The following DDX60 variants were observed in gnomAD, a reference collection of about 807,000 sequenced individuals.
The protein encoded by DDX60 is probable ATP-dependent RNA helicase DDX60.
DDX60 carries 165 observed loss-of-function variants against 212.8 expected under a neutral mutation model. The ratio of observed to expected loss-of-function variants is 0.78; its 90% CI spans 0.68 to 0.88. DDX60 has a LOEUF of 0.88. Among genes scored for constraint, DDX60 ranks in the 40% least tolerant of loss-of-function variants. The pLI, the probability that DDX60 is intolerant of heterozygous loss-of-function variation, is 0.00. For synonymous variants in DDX60, 703 were observed against 685.3 expected, an observed-to-expected ratio of 1.03 and a Z score of -0.40; for missense variants, 1,905 against 2,003.9, an observed-to-expected ratio of 0.95 and a Z score of 0.94.
At chr4:168,306,884 T>G (rs1443598203) in intron 4 of DDX60, among the ~76,000 whole-genome samples, 164 bp from the exon 5 acceptor site, 1 of 152,234 alleles carries the variant, frequency 6.6e-6, no homozygotes, top group African/African-American at 2.4e-5. Context: ...TTACAGATAT[T>G]TGCTGAAAAA....
intron 13 of DDX60, 34 bp downstream of exon 13, chr4:168,283,412 A>AT: frequency 1.9e-6 from 3 of 1,596,706 alleles, no homozygotes; most frequent in Non-Finnish European, 2.6e-6. Flanking sequence ...GAAAAGGAAA[A>AT]TTTTTTTAAT....
chr4:168,306,513 A>C lies in DDX60; in HGVS notation c.472T>G (p.Phe158Val), dbSNP rs1395598115. The C allele has an allele frequency of 1.2e-6, 2 of 1,614,178 alleles. No homozygotes were observed. Among genetic ancestry groups the C allele is most frequent in the Admixed American group, 3.3e-5 (2 of 60,028 alleles). The change falls in exon 5 of 38, where the codon TTC (phenylalanine) becomes GTC (valine). Residue 158 changes from phenylalanine to valine, a missense_variant. By Grantham distance (50) the Phe-to-Val change is conservative. Transcript: ENST00000393743. ...CAAGAATGAATGATTAAAAAGTTGA[A>C]AAGCTGTGTTTGTAGATCGTTCAGG... ...EGLNDLQTQL[F>V]NFLIIHSWAR...
At chr4:168,323,870 G>C (rs1737651259), upstream of DDX60, among the ~76,000 whole-genome samples, 1 of 152,206 alleles carries the variant, frequency 6.6e-6, no homozygotes, top group Non-Finnish European at 1.5e-5. Flanking sequence ...CAGTGCTGAT[G>C]CTTGGGTTCC....
intron 27 of DDX60, 137 bp downstream of exon 27, chr4:168,252,372 G>A: frequency 9.6e-7 from 1 of 1,039,622 alleles, no homozygotes; most frequent in Non-Finnish European, 1.4e-6. Context: ...GTAGCTAAAG[G>A]AGAGTTCTCT....
chr4:168,268,014 C>T (rs1301868985), intron 20 of DDX60, 31 bp from the exon 21 acceptor site: 1 of 1,578,338 alleles, frequency 6.3e-7, no homozygotes, highest in African/African-American at 1.4e-5. Flanking sequence ...ATTATTTAGG[C>T]AGAACATGGA....
At chr4:168,300,780 G>T (rs1736616327) in intron 6 of DDX60, among the ~76,000 whole-genome samples, 1 of 152,258 alleles carries the variant, frequency 6.6e-6, no homozygotes, top group African/African-American at 2.4e-5. Context: ...GGGTGAGAAA[G>T]TCACTAGCCT....
chr4:168,313,807 C>T (rs903700763), intron 1 of DDX60, among the ~76,000 whole-genome samples: 1 of 152,112 alleles, frequency 6.6e-6, no homozygotes, highest in African/African-American at 2.4e-5. Context: ...AAATTAATAA[C>T]TATTTATGTC....
chr4:168,254,554 G>C (rs893600389), intron 26 of DDX60, among the ~76,000 whole-genome samples: 4 of 152,130 alleles, frequency 2.6e-5, no homozygotes, highest in African/African-American at 9.7e-5. Context: ...TACCTGCCAG[G>C]TAATGTGCTA....
chr4:168,304,956 C>T (rs1736812277), intron 5 of DDX60, among the ~76,000 whole-genome samples: 1 of 152,116 alleles, frequency 6.6e-6, no homozygotes, highest in African/African-American at 2.4e-5. Flanking sequence ...ACTGACTCAC[C>T]CAGGGCAACT....
intron 4 of DDX60, among the ~76,000 whole-genome samples, chr4:168,307,132 T>C (rs1283556145): frequency 9.2e-5 from 14 of 152,162 alleles, no homozygotes; most frequent in Non-Finnish European, 1.8e-4. Context: ...CAACTGAGAT[T>C]GTCTCGGCAT....
chr4:168,300,580 ATGTGTG>A (rs59696275), intron 6 of DDX60, among the ~76,000 whole-genome samples: 5 of 146,304 alleles, frequency 3.4e-5, no homozygotes, highest in South Asian at 2.2e-4. Context: ...TAACACCAGA[ATGTGTG>A]TGTGTGTGTG....
In DDX60 at chr4:168,260,946, C is replaced by T. The variant is rs1437635761; in HGVS notation, c.3317G>A (p.Ser1106Asn). The T allele has an allele frequency of 6.2e-7, 1 of 1,613,492 alleles. No homozygotes were observed. The highest frequency in any genetic ancestry group is 1.7e-4 in the Middle Eastern group (1 of 6,048). Reference protein sequence around the residue: ...LQNLSPEADLSPENMITMFPL... With the variant: ...LQNLSPEADLNPENMITMFPL... The stretch of plus-strand genomic sequence containing the variant: ...AAACATGGTGATCATGTTTTCTGGA[C>T]TCAAATCTGCTTCAGGACTAAGATT... Residue 1106 changes from serine (S) to asparagine (N), a missense_variant, in exon 25 of 38, where the codon AGT (serine) becomes AAT (asparagine). Transcript: ENST00000393743.
intron 35 of DDX60, among the ~76,000 whole-genome samples, chr4:168,222,536 C>T (rs979446073): frequency 6.6e-6 from 1 of 151,868 alleles, no homozygotes; most frequent in Non-Finnish European, 1.5e-5. Context: ...AGAGTTGACT[C>T]CATGTACTAT....
At chr4:168,320,616 A>G (rs1028254021), upstream of DDX60, among the ~76,000 whole-genome samples, 1 of 152,230 alleles carries the variant, frequency 6.6e-6, no homozygotes, top group African/African-American at 2.4e-5. Context: ...TACAGCAGCC[A>G]TAGAGAACTA....
In DDX60 at chr4:168,255,709, AC is replaced by A; in HGVS notation, c.3557+1del. 1 of 1,582,982 alleles carries A rather than the reference AC, an allele frequency of 6.3e-7. No individual in the cohort carries two copies. Among genetic ancestry groups the A allele is most frequent in the Non-Finnish European group, 8.5e-7 (1 of 1,171,502 alleles). ...TATCAATTTGTTTAGTTAACTACTT[AC>A]ATGATCTTTTGTTTCTCTATGGATT... On this transcript the variant is annotated splice_donor_variant, in intron 26 of 37. Coordinates refer to ENST00000393743, the MANE Select transcript of DDX60 (RefSeq NM_017631.6). LOFTEE classifies it high-confidence loss of function.
intron 9 of DDX60, 148 bp downstream of exon 9, chr4:168,288,026 A>G (rs1735935529): frequency 2.1e-6 from 1 of 465,310 alleles, no homozygotes; most frequent in Admixed American, 4.0e-5. Flanking sequence ...TCTAATTGCA[A>G]CTAAAATATT....
At chr4:168,276,839 T>C (rs935286409) in intron 14 of DDX60, among the ~76,000 whole-genome samples, 1 of 152,240 alleles carries the variant, frequency 6.6e-6, no homozygotes, top group Admixed American at 6.5e-5. Flanking sequence ...GGAAATGTAA[T>C]ACAGTTCATA....
intron 1 of DDX60, among the ~76,000 whole-genome samples, chr4:168,313,919 G>GT (rs939585889): frequency 2.0e-5 from 3 of 152,162 alleles, no homozygotes; most frequent in Admixed American, 6.5e-5. Context: ...GTGAGTGCCC[G>GT]TTAAACACTG....
Position 168,256,756 on chromosome 4 carries a change from T to C in DDX60, c.3399-887A>G, listed in dbSNP as rs567932487. 1.7e-3 allele frequency among the ~76,000 whole-genome samples: 262 copies of C among 152,356 alleles called. 1 individual carries two copies. Among genetic ancestry groups the C allele is most frequent in the African/African-American group, 5.9e-3 (245 of 41,574 alleles). ...GGTGGCAAAATGCTGTGGCTGCAAGTAGCCAGTAGCTATTGCCACTATATT... is the reference window on the plus strand; with the variant it reads ...GGTGGCAAAATGCTGTGGCTGCAAGCAGCCAGTAGCTATTGCCACTATATT... On this transcript the variant is annotated intron_variant, in intron 25 of 37. Coordinates refer to ENST00000393743, the MANE Select transcript of DDX60 (RefSeq NM_017631.6).
Sources: gnomAD v4.1 joint callset for allele counts (sites outside exome capture counted in the v4.1 genomes callset) on GRCh38, gnomAD v4.1.1 for gene constraint, MANE v1.5 for transcripts, NCBI Gene and HGNC (gene_info 2026-07-23, HGNC 2026-07-21) for gene names.